The following GCSAML variants were observed in gnomAD, a reference collection of about 807,000 sequenced individuals.
GCSAML encodes germinal center associated signaling and motility like.
Under a neutral mutation model 13.0 loss-of-function variants are expected in GCSAML, and 9 were observed. The ratio of observed to expected loss-of-function variants is 0.69; its 90% CI spans 0.42 to 1.21. The LOEUF is 1.21. Among genes scored for constraint, GCSAML ranks in the 50% most tolerant of loss-of-function variants. The pLI, the probability that GCSAML is intolerant of heterozygous loss-of-function variation, is 0.00. For missense variants in GCSAML, 143 were observed against 153.4 expected, an observed-to-expected ratio of 0.93 and a Z score of 0.36; for synonymous variants, 37 against 52.9, an observed-to-expected ratio of 0.70 and a Z score of 1.31.
intron 4 of GCSAML, among the ~76,000 whole-genome samples, chr1:247,573,594 T>C (rs750464676): frequency 1.3e-4 from 20 of 152,218 alleles, no homozygotes; most frequent in Non-Finnish European, 5.9e-5. Context: ...CCTTCTCTAT[T>C]GGTCTTGCTG....
intron 1 of GCSAML, among the ~76,000 whole-genome samples, chr1:247,522,107 C>G (rs528359701): frequency 1.1e-3 from 173 of 151,908 alleles, no homozygotes; most frequent in African/African-American, 3.8e-3. Flanking sequence ...CGCCTGGCAG[C>G]CGCCCCGTCT....
intron 4 of GCSAML, among the ~76,000 whole-genome samples, chr1:247,570,815 A>G (rs1176058): frequency 0.64 from 97,405 of 151,844 alleles, 31,626 homozygotes; most frequent in East Asian, 0.8. Flanking sequence ...GGGTGTTAAA[A>G]TCTCCCACTA....
At chr1:247,566,110 A>G (rs978003518) in intron 4 of GCSAML, 151 bp downstream of exon 4, 27 of 571,310 alleles carry the variant, frequency 4.7e-5, no homozygotes, top group Non-Finnish European at 7.6e-5. Context: ...AATCATTCAT[A>G]TTTTAAATAA....
chr1:247,543,722 T>G (rs2103025369), intron 2 of GCSAML, among the ~76,000 whole-genome samples: 1 of 152,290 alleles, frequency 6.6e-6, no homozygotes, highest in South Asian at 2.1e-4. Flanking sequence ...TCAAAACTAC[T>G]TGCTTCTCTA....
In GCSAML at chr1:247,527,082, C is replaced by T. The variant is rs1467173328; in HGVS notation, c.-148+28C>T. 8.8e-6 allele frequency: 4 copies of T among 456,378 alleles called. No homozygotes were observed. Among genetic ancestry groups the T allele is most frequent in the Non-Finnish European group, 1.8e-5 (4 of 226,918 alleles). The allele number at this position is 456,378 out of a possible 1,614,324, so 28.3% of individuals were successfully genotyped here. A position where few individuals can be genotyped will look rare whatever the true frequency, so the allele number is the denominator to read the frequency against. ...ACAAATCACATTTCAAGTGTATTTC[C>T]TTGGGTTCTGGAGAGGATGTCTTCA... is the stretch of plus-strand genomic sequence containing the variant. On this transcript the variant is annotated intron_variant, in intron 2 of 5. Coordinates refer to the GCSAML transcript ENST00000366489. The surrounding 1 kb of genome is among the most constrained non-coding windows in gnomAD (Gnocchi z 4.6).
intron 2 of GCSAML, among the ~76,000 whole-genome samples, chr1:247,532,952 T>C (rs1414165655): frequency 6.6e-6 from 1 of 152,146 alleles, no homozygotes; most frequent in Admixed American, 6.5e-5. Context: ...GGAAATATTA[T>C]AGTAACAACA....
intron 2 of GCSAML, among the ~76,000 whole-genome samples, chr1:247,534,303 C>T (rs575983698): frequency 2.0e-5 from 3 of 152,248 alleles, no homozygotes; most frequent in Admixed American, 6.5e-5. Flanking sequence ...ACAGTAGTCC[C>T]TTAATCAATA....
intron 1 of GCSAML, among the ~76,000 whole-genome samples, chr1:247,521,457 T>C (rs1455467900): frequency 3.3e-5 from 5 of 152,064 alleles, no homozygotes; most frequent in African/African-American, 1.2e-4. Context: ...ACTGCCGCCA[T>C]CTTGGCTCAC....
At position 247,574,434 on chromosome 1, in the gene GCSAML, C is replaced by T; in HGVS notation, c.*52C>T. On this transcript the variant is annotated 3_prime_UTR_variant, in exon 5 of 5. Transcript: ENST00000366488. ...CAGCAATGAAGACAATGCAGAATAG[C>T]AGACTCTGGCGAAGTTGTTCACCCT... 1 of 1,592,802 alleles carries T rather than the reference C, an allele frequency of 6.3e-7. No homozygotes were observed. The highest frequency in any genetic ancestry group is 1.7e-4 in the Middle Eastern group (1 of 5,954).
rs1340014872 is a variant in GCSAML, at chr1:247,526,460, T to C, written c.-262-480T>C. ...AGGAAAGGGCAAGGACAAAGAGGGT[T>C]TGGCCATGACCAAGGGTGACTGGTG... On this transcript the variant is annotated intron_variant, in intron 1 of 5. Coordinates refer to the GCSAML transcript ENST00000366489. The surrounding 1 kb of genome is among the most constrained non-coding windows in gnomAD (Gnocchi z 4.8). The C allele has an allele frequency of 6.4e-6, 1 of 156,524 alleles. No individual in the cohort carries two copies. Among genetic ancestry groups the C allele is most frequent in the Non-Finnish European group, 1.4e-5 (1 of 70,982 alleles). 9.7% of individuals were successfully genotyped at this position (156,524 alleles called of 1,614,324 possible). A position where few individuals can be genotyped will look rare whatever the true frequency, so the allele number is the denominator to read the frequency against.
rs201035806 is a variant in GCSAML, at chr1:247,524,030, T to A, written c.-262-2910T>A. Among the ~76,000 whole-genome samples the A allele has an allele frequency of 1.8e-4, 16 of 86,770 alleles. No homozygotes were observed. In the South Asian group the frequency reaches 2.5e-3, roughly 14 times the overall value. The allele number at this position is 86,770 out of a possible 152,430, so 56.9% of individuals were successfully genotyped here. A position where few individuals can be genotyped will look rare whatever the true frequency, so the allele number is the denominator to read the frequency against. On this transcript the variant is annotated intron_variant, in intron 1 of 5. Coordinates refer to the GCSAML transcript ENST00000366489. ...CACACACACACACACACACACACAC[T>A]CTGCAGATGCAGTGAATTGAAAACC...
Position 247,512,885 on chromosome 1 carries a change from C to T in GCSAML, c.-263+5652C>T, listed in dbSNP as rs116242317. On this transcript the variant is annotated intron_variant, in intron 1 of 5. Coordinates refer to the GCSAML transcript ENST00000366489. ...TGCTGCCTGTTCGTTCCTCTGGAAG[C>T]GTCGTCCCAGAGAAGCACCCACCAG... 6.8e-3 allele frequency among the ~76,000 whole-genome samples: 1,039 copies of T among 152,278 alleles called. 15 individuals are homozygous for T. Among genetic ancestry groups the T allele is most frequent in the African/African-American group, 0.023 (971 of 41,558 alleles).
intron 2 of GCSAML, chr1:247,531,656 G>A (rs6702695): frequency 0.2 from 321,909 of 1,613,632 alleles, 33,661 homozygotes; most frequent in South Asian, 0.31. Context: ...AGTGGGTTCA[G>A]CGCAGGAGTG....
At chr1:247,551,835 T>C (rs1299023004) in intron 1 of GCSAML, among the ~76,000 whole-genome samples, 1 of 152,224 alleles carries the variant, frequency 6.6e-6, no homozygotes, top group African/African-American at 2.4e-5. Flanking sequence ...CTAATGCTAA[T>C]AGACAGAGTG....
At chr1:247,573,188 C>T (rs1381161612) in intron 4 of GCSAML, among the ~76,000 whole-genome samples, 1 of 152,168 alleles carries the variant, frequency 6.6e-6, no homozygotes, top group East Asian at 1.9e-4. Flanking sequence ...ACAGTTCTTT[C>T]TCATTGGTGT....
At chr1:247,513,644 C>T (rs961378408) in intron 1 of GCSAML, among the ~76,000 whole-genome samples, 1 of 152,216 alleles carries the variant, frequency 6.6e-6, no homozygotes, top group East Asian at 1.9e-4. Context: ...GGCATAGGCA[C>T]CTGAGGGAAT....
intron 2 of GCSAML, chr1:247,532,436 T>C (rs752951002): frequency 6.2e-7 from 1 of 1,613,998 alleles, no homozygotes; most frequent in Non-Finnish European, 8.5e-7. Context: ...AAGAGGACAG[T>C]TTCTAGTGAG....
chr1:247,521,367 G>GACTCTCCC (rs373824888), intron 1 of GCSAML, among the ~76,000 whole-genome samples: 1 of 145,466 alleles, frequency 6.9e-6, no homozygotes, highest in African/African-American at 2.7e-5. Context: ...CCTCTCCACG[G>GACTCTCCC]TCTCCCTCTC....
chr1:247,519,498 G>A (rs1025923593), intron 1 of GCSAML: 1 of 152,192 alleles, frequency 6.6e-6, no homozygotes, highest in African/African-American at 2.4e-5. Flanking sequence ...TACTTCCTCA[G>A]GCTGTTACCT....
Sources: gnomAD v4.1 joint callset for allele counts (sites outside exome capture counted in the v4.1 genomes callset) on GRCh38, gnomAD v4.1.1 for gene constraint, Gnocchi (gnomAD v3.1) non-coding constraint, MANE v1.5 for transcripts, NCBI Gene and HGNC (gene_info 2026-07-23, HGNC 2026-07-21) for gene names.